The following RTKN2 variants were observed in gnomAD, a reference collection of about 807,000 sequenced individuals.
RTKN2 encodes the protein rhotekin-2.
A neutral mutation model predicts 71.5 loss-of-function variants in RTKN2; 69 were observed. The observed-to-expected ratio is 0.96, with a 90% CI of 0.79 to 1.18. The LOEUF is 1.18. Among genes scored for constraint, RTKN2 ranks in the 50% most tolerant of loss-of-function variants. The probability of loss-of-function intolerance (pLI) is 0.00; values close to 1 mark genes in which losing one functional copy is unlikely to be tolerated. For missense variants in RTKN2, 724 were observed against 719.7 expected (o/e 1.01, Z -0.07); for synonymous variants, 236 against 236.5 (o/e 1.00, Z 0.02).
rs895661147 is a variant in RTKN2 at position 62,224,700 on chromosome 10, A to G, written c.687-1368T>C. Among the ~76,000 whole-genome samples, 5 of 152,142 alleles carry G rather than the reference A, an allele frequency of 3.3e-5. No individual in the cohort carries two copies. The East Asian group carries it at 9.6e-4, about 29-fold the overall frequency. On this transcript the variant is annotated intron_variant, in intron 6 of 11. Transcript: ENST00000373789. Reference sequence around the variant, plus strand: ...AGAAAACTGAGGACCTGTGGTAGGTAGGTGAACTGGGGAAGGACTTTCTGA... The same window carrying G: ...AGAAAACTGAGGACCTGTGGTAGGTGGGTGAACTGGGGAAGGACTTTCTGA...
At chr10:62,191,268 C>T (rs149149784), downstream of RTKN2, among the ~76,000 whole-genome samples, 137 of 152,274 alleles carry the variant, frequency 9.0e-4, no homozygotes, top group East Asian at 8.1e-3. Flanking sequence ...TCCCAAGTAG[C>T]TGGGACTGCA....
At chr10:62,221,741 T>TA (rs1183398176) in intron 7 of RTKN2, among the ~76,000 whole-genome samples, 2 of 152,098 alleles carry the variant, frequency 1.3e-5, no homozygotes, top group Admixed American at 1.3e-4. Flanking sequence ...TCCTAACAAA[T>TA]AATTAGCAAA....
At chr10:62,223,789 A>G (rs552460413) in intron 6 of RTKN2, among the ~76,000 whole-genome samples, 2 of 152,296 alleles carry the variant, frequency 1.3e-5, no homozygotes, top group East Asian at 3.9e-4. Context: ...ATAAGAAATA[A>G]AATTACTGAT....
rs1234246231 is a variant in RTKN2 at position 62,194,249 on chromosome 10, C to T, written c.*3659G>A. On this transcript the variant is annotated 3_prime_UTR_variant, in exon 12 of 12. Coordinates refer to ENST00000373789, the MANE Select transcript of RTKN2 (RefSeq NM_145307.4). Reference sequence around the variant, plus strand: ...AAAAACCCAAAGGTAACATCTTTCCCAGAGTTAACTAAGAACATCTATGAT... The same window carrying T: ...AAAAACCCAAAGGTAACATCTTTCCTAGAGTTAACTAAGAACATCTATGAT... 2 of 984,810 alleles carry T rather than the reference C, an allele frequency of 2.0e-6. No homozygotes were observed. The highest frequency in any genetic ancestry group is 2.4e-6 in the Non-Finnish European group (2 of 829,532). 61.0% of individuals were successfully genotyped at this position (984,810 alleles called of 1,614,324 possible).
In RTKN2 at chr10:62,268,678, C is replaced by A; in HGVS notation, c.-68G>T. On this transcript the variant is annotated 5_prime_UTR_variant, in exon 1 of 12. Transcript: ENST00000373789. ...GAAGATTTGAAAAGCCCGCCCCTGG[C>A]AGGAGCCGCAGAGGACGCCAACCGC... 1 of 1,487,956 alleles carries A rather than the reference C, an allele frequency of 6.7e-7. No individual in the cohort carries two copies. 92.2% of individuals were successfully genotyped at this position (1,487,956 alleles called of 1,614,324 possible). A position where few individuals can be genotyped will look rare whatever the true frequency, so the allele number is the denominator to read the frequency against.
chr10:62,198,459 G>GAA lies in RTKN2; in HGVS notation c.1295-18_1295-17dup. 1.0e-5 allele frequency: 14 copies of GAA among 1,359,452 alleles called. No individual in the cohort carries two copies. The highest frequency in any genetic ancestry group is 1.5e-5 in the South Asian group (1 of 66,808). The allele number at this position is 1,359,452 out of a possible 1,614,324, so 84.2% of individuals were successfully genotyped here. On this transcript the variant is annotated splice_polypyrimidine_tract_variant and intron_variant, in intron 11 of 11. Coordinates refer to ENST00000373789, the MANE Select transcript of RTKN2 (RefSeq NM_145307.4). ...GAATCAATGCCTATAATAATTTTAA[G>GAA]AAAAAAAAACATGAAAAAATTCAAA...
intron 9 of RTKN2, among the ~76,000 whole-genome samples, chr10:62,207,703 A>G (rs1042433629): frequency 1.3e-5 from 2 of 152,266 alleles, no homozygotes; most frequent in Admixed American, 1.3e-4. Flanking sequence ...TCTGCCACCT[A>G]AAATATTGCC....
chr10:62,267,115 G>C (rs1842881705), intron 1 of RTKN2, among the ~76,000 whole-genome samples: 1 of 152,134 alleles, frequency 6.6e-6, no homozygotes, highest in African/African-American at 2.4e-5. Context: ...ATTCCTGTTA[G>C]GTTGCAACCT....
intron 9 of RTKN2, among the ~76,000 whole-genome samples, chr10:62,206,007 C>T (rs1013431782): frequency 3.9e-5 from 6 of 152,090 alleles, no homozygotes; most frequent in African/African-American, 1.4e-4. Flanking sequence ...TTCTAAAAAC[C>T]ACAATAAGTA....
Position 62,217,252 on chromosome 10 carries a change from G to GA in RTKN2, c.889-4dup, listed in dbSNP as rs5785514. 0.089 allele frequency: 112,342 copies of GA among 1,261,690 alleles called. 1,279 individuals carry two copies. Among genetic ancestry groups the GA allele is most frequent in the African/African-American group, 0.14 (8,485 of 62,068 alleles). The allele number at this position is 1,261,690 out of a possible 1,614,324, so 78.2% of individuals were successfully genotyped here. A position where few individuals can be genotyped will look rare whatever the true frequency, so the allele number is the denominator to read the frequency against. Reference sequence around the variant, plus strand: ...CTAATCAGACCTTCTACCATTTGCTGAAAAAAAAAAAAAAAAAATCAAGAG... The same window carrying GA: ...CTAATCAGACCTTCTACCATTTGCTGAAAAAAAAAAAAAAAAAAATCAAGAG... On this transcript the variant is annotated splice_region_variant and splice_polypyrimidine_tract_variant and intron_variant, in intron 8 of 11. Coordinates refer to ENST00000373789, the MANE Select transcript of RTKN2 (RefSeq NM_145307.4).
chr10:62,221,470 T>TA (rs902285507), intron 7 of RTKN2, among the ~76,000 whole-genome samples: 2 of 151,622 alleles, frequency 1.3e-5, no homozygotes, highest in Admixed American at 1.3e-4. Flanking sequence ...AAAGCTTCGG[T>TA]AAAAAAAAGA....
At chr10:62,262,850 A>G (rs751768182) in intron 1 of RTKN2, 29 bp from the exon 2 acceptor site, 146 of 1,480,392 alleles carry the variant, frequency 9.9e-5, no homozygotes, top group Admixed American at 1.3e-4. Flanking sequence ...TTGAAAATAT[A>G]GCAAAAACCC....
chr10:62,234,662 G>A (rs1842219171), intron 6 of RTKN2, among the ~76,000 whole-genome samples: 1 of 152,038 alleles, frequency 6.6e-6, no homozygotes. Context: ...CAATGTTATT[G>A]TAGTTGTATC....
At position 62,186,316 on chromosome 10, in the gene RTKN2, T is replaced by C. The variant is rs1009136181; in HGVS notation, c.862-1929A>G. 2.0e-5 allele frequency among the ~76,000 whole-genome samples: 3 copies of C among 152,206 alleles called. No individual in the cohort carries two copies. In the South Asian group the frequency reaches 6.2e-4, roughly 31 times the overall value. ...TGAGAAGTTCCAAAAAAGTTTCCTT[T>C]CTGTATATGTAGTTAGGTTTTGCTA... On this transcript the variant is annotated intron_variant, in intron 8 of 8. Transcript: ENST00000315289.
At chr10:62,268,844 CG>C, upstream of RTKN2, 1 of 531,140 alleles carries the variant, frequency 1.9e-6, no homozygotes, top group East Asian at 3.5e-5. Flanking sequence ...CGCGGCGGGG[CG>C]GGGGAGAGGG....
chr10:62,209,395 G>A (rs112413095), intron 9 of RTKN2, among the ~76,000 whole-genome samples: 6,607 of 151,994 alleles, frequency 0.043, 448 homozygotes, highest in African/African-American at 0.15. Context: ...TGGTGTGTGT[G>A]TGTGTGTGTT....
chr10:62,226,903 G>A (rs888270818), intron 6 of RTKN2, among the ~76,000 whole-genome samples: 9 of 152,210 alleles, frequency 5.9e-5, no homozygotes, highest in Admixed American at 5.9e-4. Context: ...GGAGGCTGCA[G>A]TGAGCCAAGA....
chr10:62,241,266 C>A, intron 3 of RTKN2, 71 bp from the exon 4 acceptor site: 1 of 822,004 alleles, frequency 1.2e-6, no homozygotes, highest in Non-Finnish European at 2.0e-6. Context: ...TGACCTGAAC[C>A]TCTGCATTCC....
At chr10:62,222,364 G>A (rs190723868) in intron 7 of RTKN2, among the ~76,000 whole-genome samples, 87 of 151,722 alleles carry the variant, frequency 5.7e-4, no homozygotes, top group Non-Finnish European at 8.5e-4. Flanking sequence ...CTCCCATCTC[G>A]TCCTCCCAAA....
Sources: gnomAD v4.1 joint callset for allele counts (sites outside exome capture counted in the v4.1 genomes callset) on GRCh38, gnomAD v4.1.1 for gene constraint, MANE v1.5 for transcripts, NCBI Gene and HGNC (gene_info 2026-07-23, HGNC 2026-07-21) for gene names.